PCDH9: variants seen among roughly 807,000 people sequenced by gnomAD.
PCDH9 encodes the protein protocadherin 9.
PCDH9 carries 24 observed loss-of-function variants against 70.6 expected under a neutral mutation model. That is an observed-to-expected ratio of 0.34 (90% CI 0.25 to 0.48). The LOEUF is 0.48. PCDH9 is among the 20% of genes least tolerant of loss of function. The probability of loss-of-function intolerance (pLI) is 0.99; values close to 1 mark genes in which losing one functional copy is unlikely to be tolerated. For missense variants in PCDH9, 1,281 were observed against 1,503.6 expected (o/e 0.85, Z 2.45); for synonymous variants, 562 against 558.5 (o/e 1.01, Z -0.09).
chr13:66,914,403 A>G (rs1472277507), intron 2 of PCDH9: 1 of 151,908 alleles, frequency 6.6e-6, no homozygotes, highest in African/African-American at 2.4e-5. Flanking sequence ...CTCAGGCCAC[A>G]GAACTGTAAC....
Position 66,742,024 on chromosome 13 carries a change from C to T in PCDH9, c.3139-110613G>A, listed in dbSNP as rs1456349291. 1.1e-4 allele frequency among the ~76,000 whole-genome samples: 14 copies of T among 123,724 alleles called. No homozygotes were observed. The South Asian group carries it at 1.6e-3, about 14-fold the overall frequency. 81.2% of individuals were successfully genotyped at this position (123,724 alleles called of 152,430 possible). On this transcript the variant is annotated intron_variant, in intron 3 of 4. Coordinates refer to ENST00000377865, the MANE Select transcript of PCDH9 (RefSeq NM_203487.3). ...GTTCATATGGAACCAAAAAAGAGCC[C>T]GCATTGCCAAGTCAATCCTAAGCCA...
intron 3 of PCDH9, among the ~76,000 whole-genome samples, chr13:66,823,768 T>A (rs1247650047): frequency 6.6e-6 from 1 of 152,156 alleles, no homozygotes; most frequent in African/African-American, 2.4e-5. Flanking sequence ...ATAGAACTCA[T>A]ACAATTGTCC....
At chr13:66,977,680 TAGC>T (rs1450047236) in intron 2 of PCDH9, 2 of 152,170 alleles carry the variant, frequency 1.3e-5, no homozygotes, top group African/African-American at 4.8e-5. Context: ...ACAACTGTCA[TAGC>T]AGGTTCCAGC....
At chr13:66,825,773 ACTACT>A (rs1483947599) in intron 3 of PCDH9, among the ~76,000 whole-genome samples, 1 of 152,336 alleles carries the variant, frequency 6.6e-6, no homozygotes, top group South Asian at 2.1e-4. Flanking sequence ...ACATCCAACA[ACTACT>A]CTACATGAAT....
chr13:66,929,739 T>C (rs997037627), intron 2 of PCDH9, among the ~76,000 whole-genome samples: 3 of 152,220 alleles, frequency 2.0e-5, no homozygotes, highest in African/African-American at 7.2e-5. Context: ...TGTTACTGCA[T>C]TGCATATTTT....
intron 3 of PCDH9, among the ~76,000 whole-genome samples, chr13:66,785,993 G>A (rs554435886): frequency 1.1e-4 from 17 of 152,152 alleles, no homozygotes; most frequent in Admixed American, 1.3e-4. Context: ...ATAGAGCGCT[G>A]CCCAGCAATT....
rs1477660353 is a variant in PCDH9, at chr13:67,225,624, G to A, written c.2817C>T (p.Tyr939=). The change falls in exon 2 of 5, where the codon TAC becomes TAT. Residue 939 remains tyrosine, a synonymous_variant. Transcript: ENST00000377865. ...KPNSPDLAKH[Y]KSASPQPAFH... is the part of the protein sequence containing the mutation. ...AAGCAGGCTGTGGAGAAGCAGATTT[G>A]TAGTGCTTGGCCAGGTCAGGACTGT... The A allele has an allele frequency of 7.4e-6, 12 of 1,614,152 alleles. No homozygotes were observed. The highest frequency in any genetic ancestry group is 1.0e-5 in the Non-Finnish European group (12 of 1,180,006).
chr13:67,012,137 G>A (rs1389568400), intron 2 of PCDH9, among the ~76,000 whole-genome samples: 1 of 151,026 alleles, frequency 6.6e-6, no homozygotes, highest in Non-Finnish European at 1.5e-5. Context: ...TCATTCTACG[G>A]TTTCTTTAAT....
chr13:66,304,161 C>A lies in PCDH9; in HGVS notation c.*494G>T, dbSNP rs923158068. On this transcript the variant is annotated 3_prime_UTR_variant, in exon 5 of 5. Coordinates refer to ENST00000377865, the MANE Select transcript of PCDH9 (RefSeq NM_203487.3). ...TAACACTGATTGACTTACAAGTGTC[C>A]ACTAACGTTGTTAACAGCACAATAG... is the stretch of plus-strand genomic sequence containing the variant. The A allele has an allele frequency of 6.8e-6, 1 of 146,476 alleles. No homozygotes were observed. The highest frequency in any genetic ancestry group is 2.5e-5 in the African/African-American group (1 of 39,246). 9.1% of individuals were successfully genotyped at this position (146,476 alleles called of 1,614,324 possible).
chr13:66,822,992 TG>T (rs2080742113), intron 3 of PCDH9, among the ~76,000 whole-genome samples: 1 of 152,116 alleles, frequency 6.6e-6, no homozygotes, highest in East Asian at 1.9e-4. Flanking sequence ...AACTTGTATA[TG>T]TATTTTAATA....
At chr13:66,908,753 C>CT (rs35348940) in intron 2 of PCDH9, among the ~76,000 whole-genome samples, 38,580 of 151,914 alleles carry the variant, frequency 0.25, 6,007 homozygotes, top group East Asian at 0.39. Flanking sequence ...TATGTACCTT[C>CT]TTTTTTTGCT....
intron 3 of PCDH9, among the ~76,000 whole-genome samples, chr13:66,871,395 AAAAAAT>A (rs1207637876): frequency 1.3e-5 from 2 of 148,454 alleles, no homozygotes; most frequent in African/African-American, 2.5e-5. Context: ...TAATAATAAT[AAAAAAT>A]AAAAATAAAA....
chr13:66,933,913 C>CG (rs372344440), intron 2 of PCDH9, among the ~76,000 whole-genome samples: 2 of 143,548 alleles, frequency 1.4e-5, no homozygotes, highest in African/African-American at 5.2e-5. Context: ...AAAAAGGGGG[C>CG]GGGGGGGCAA....
chr13:66,632,262 T>A (rs2077581732), intron 3 of PCDH9, among the ~76,000 whole-genome samples: 2 of 152,324 alleles, frequency 1.3e-5, no homozygotes, highest in South Asian at 4.1e-4. Flanking sequence ...AATAATTAAT[T>A]AAAGTTATTA....
At chr13:67,063,133 T>C (rs959485604) in intron 2 of PCDH9, among the ~76,000 whole-genome samples, 1 of 152,186 alleles carries the variant, frequency 6.6e-6, no homozygotes, top group African/African-American at 2.4e-5. Flanking sequence ...GTGGCTCTAT[T>C]GTTAATTGTA....
chr13:66,503,011 T>C (rs2059204484), intron 4 of PCDH9, among the ~76,000 whole-genome samples: 2 of 152,136 alleles, frequency 1.3e-5, no homozygotes, highest in South Asian at 4.1e-4. Flanking sequence ...CTTTGTAAAA[T>C]ACACCTTAAA....
chr13:67,153,211 G>A (rs2138391874), intron 2 of PCDH9, among the ~76,000 whole-genome samples: 1 of 151,764 alleles, frequency 6.6e-6, no homozygotes, highest in East Asian at 2.0e-4. Context: ...CTGCAGTCTA[G>A]AGTGCAATGG....
chr13:66,944,950 T>C (rs1248482387), intron 2 of PCDH9, among the ~76,000 whole-genome samples: 3 of 151,934 alleles, frequency 2.0e-5, no homozygotes, highest in Non-Finnish European at 4.4e-5. Flanking sequence ...TATTCTGTTG[T>C]GGCTCAGGAC....
chr13:66,748,263 T>A (rs2079403319), intron 3 of PCDH9, among the ~76,000 whole-genome samples: 1 of 152,226 alleles, frequency 6.6e-6, no homozygotes, highest in African/African-American at 2.4e-5. Context: ...GCTTCTAGAA[T>A]TGTCTGTTTT....
Sources: gnomAD v4.1 joint callset for allele counts (sites outside exome capture counted in the v4.1 genomes callset) on GRCh38, gnomAD v4.1.1 for gene constraint, MANE v1.5 for transcripts, NCBI Gene and HGNC (gene_info 2026-07-23, HGNC 2026-07-21) for gene names.